The following MAGI2 variants were observed in gnomAD, a reference collection of about 807,000 sequenced individuals.
MAGI2 encodes the protein membrane associated guanylate kinase, WW and PDZ domain containing 2.
In MAGI2, 35 loss-of-function variants were observed where a neutral mutation model predicts 133.3. The ratio of observed to expected loss-of-function variants is 0.26; its 90% CI spans 0.20 to 0.35. The LOEUF is 0.35. MAGI2 is among the 10% of genes least tolerant of loss of function. The probability of loss-of-function intolerance (pLI) is 1.00; values close to 1 mark genes in which losing one functional copy is unlikely to be tolerated. For missense variants in MAGI2, 1,636 were observed against 1,863.4 expected (o/e 0.88, Z 2.25); for synonymous variants, 729 against 710.6 (o/e 1.03, Z -0.41).
At chr7:78,922,198 T>TA (rs1799302912) in intron 2 of MAGI2, among the ~76,000 whole-genome samples, 1 of 151,484 alleles carries the variant, frequency 6.6e-6, no homozygotes, top group African/African-American at 2.4e-5. Context: ...TTCTTTTTTT[T>TA]ATTATTATTA....
intron 1 of MAGI2, among the ~76,000 whole-genome samples, chr7:79,310,963 CA>C (rs1279772766): frequency 6.6e-5 from 10 of 151,850 alleles, no homozygotes; most frequent in Non-Finnish European, 1.3e-4. Flanking sequence ...CACACACACA[CA>C]CACCCCTCTC....
At chr7:79,057,522 T>A (rs1020986959) in intron 1 of MAGI2, among the ~76,000 whole-genome samples, 1 of 152,228 alleles carries the variant, frequency 6.6e-6, no homozygotes, top group Admixed American at 6.5e-5. Context: ...GAAAAGTAAT[T>A]CAAAATATTA....
intron 2 of MAGI2, among the ~76,000 whole-genome samples, chr7:78,967,513 A>G (rs1309731135): frequency 6.6e-6 from 1 of 152,044 alleles, no homozygotes; most frequent in African/African-American, 2.4e-5. Flanking sequence ...TCAAGAAATC[A>G]TTGCCAAGAC....
rs372551773 is a variant in MAGI2, at chr7:78,511,554, T to TAAA, written c.755-9768_755-9767insTTT. 6.3e-3 allele frequency among the ~76,000 whole-genome samples: 662 copies of TAAA among 104,608 alleles called. 1 individual carries two copies. The highest frequency in any genetic ancestry group is 0.015 in the Middle Eastern group (3 of 194). 68.6% of individuals were successfully genotyped at this position (104,608 alleles called of 152,430 possible). ...TCTTTTATATATATATATATAAATT[T>TAAA]TTTTTTTTTTTTTTTTGACACAGTG... On this transcript the variant is annotated intron_variant, in intron 4 of 21. Coordinates refer to ENST00000354212, the MANE Select transcript of MAGI2 (RefSeq NM_012301.4).
chr7:78,271,370 G>A (rs757515811), intron 9 of MAGI2, among the ~76,000 whole-genome samples: 1 of 152,064 alleles, frequency 6.6e-6, no homozygotes, highest in Non-Finnish European at 1.5e-5. Flanking sequence ...ATTTTATTGA[G>A]GATTTTCGAA....
At chr7:78,614,176 A>T (rs73143178) in intron 3 of MAGI2, among the ~76,000 whole-genome samples, 6,333 of 151,848 alleles carry the variant, frequency 0.042, 180 homozygotes, top group Non-Finnish European at 0.067. Flanking sequence ...ATCAACCAAG[A>T]TAGCGATGTA....
At chr7:78,458,115 G>C (rs1789519436) in intron 6 of MAGI2, among the ~76,000 whole-genome samples, 1 of 151,852 alleles carries the variant, frequency 6.6e-6, no homozygotes, top group South Asian at 2.1e-4. Flanking sequence ...GGCCAACATG[G>C]TGAAACACCG....
At chr7:79,229,870 T>A (rs761631289) in intron 1 of MAGI2, among the ~76,000 whole-genome samples, 47 of 151,662 alleles carry the variant, frequency 3.1e-4, no homozygotes, top group Non-Finnish European at 5.9e-4. Context: ...TGTATACATG[T>A]GCCATGCTGG....
chr7:78,241,706 G>A (rs976146912), intron 10 of MAGI2, among the ~76,000 whole-genome samples: 1 of 152,120 alleles, frequency 6.6e-6, no homozygotes, highest in African/African-American at 2.4e-5. Flanking sequence ...GGTGAGGTGG[G>A]TGAATCACTT....
At chr7:78,896,714 C>T (rs755847979) in intron 2 of MAGI2, among the ~76,000 whole-genome samples, 29 of 151,790 alleles carry the variant, frequency 1.9e-4, no homozygotes, top group Non-Finnish European at 4.0e-4. Flanking sequence ...ACTACAGATG[C>T]GTGCCACTAC....
chr7:78,427,733 C>T (rs6977890), intron 6 of MAGI2, among the ~76,000 whole-genome samples: 1 of 150,538 alleles, frequency 6.6e-6, no homozygotes. Flanking sequence ...TTATTCTATT[C>T]TATTAAAATT....
chr7:79,015,046 T>C (rs1284038397), intron 1 of MAGI2, among the ~76,000 whole-genome samples: 1 of 152,224 alleles, frequency 6.6e-6, no homozygotes, highest in Non-Finnish European at 1.5e-5. Flanking sequence ...AAAGTGAACA[T>C]GTAAATGGTA....
At chr7:78,868,938 A>G (rs1052703629) in intron 2 of MAGI2, among the ~76,000 whole-genome samples, 2 of 152,136 alleles carry the variant, frequency 1.3e-5, no homozygotes, top group Admixed American at 6.5e-5. Context: ...TATTTTTAGT[A>G]GAGACGGGGT....
At chr7:79,320,646 C>T (rs1002842895) in intron 1 of MAGI2, among the ~76,000 whole-genome samples, 10 of 152,112 alleles carry the variant, frequency 6.6e-5, no homozygotes, top group South Asian at 2.1e-4. Flanking sequence ...GGAGCTAATG[C>T]CTGTTTTAAA....
At chr7:78,527,029 A>AAAAAAAAAAAAAAAAAAAAAAAAG (rs1563125198) in intron 3 of MAGI2, among the ~76,000 whole-genome samples, 12 of 124,866 alleles carry the variant, frequency 9.6e-5, no homozygotes, top group Non-Finnish European at 1.7e-4. Context: ...AAAAAAAAAA[A>AAAAAAAAAAAAAAAAAAAAAAAAG]AAAAAGAAAA....
At chr7:79,109,541 C>G (rs572020091) in intron 1 of MAGI2, among the ~76,000 whole-genome samples, 28 of 152,188 alleles carry the variant, frequency 1.8e-4, no homozygotes, top group African/African-American at 6.3e-4. Context: ...AGCCCAACTT[C>G]GATACAGGAG....
At chr7:78,918,297 G>C (rs1484207826) in intron 2 of MAGI2, among the ~76,000 whole-genome samples, 2 of 152,060 alleles carry the variant, frequency 1.3e-5, no homozygotes, top group Non-Finnish European at 2.9e-5. Flanking sequence ...TTCTTATCAA[G>C]GGCTCTCCTA....
intron 1 of MAGI2, among the ~76,000 whole-genome samples, chr7:79,207,100 C>G (rs980227096): frequency 2.0e-5 from 3 of 151,868 alleles, no homozygotes; most frequent in Non-Finnish European, 2.9e-5. Flanking sequence ...ATGACAAACT[C>G]ACAGCTAACA....
At chr7:79,053,612 T>G (rs1325156373) in intron 1 of MAGI2, among the ~76,000 whole-genome samples, 1 of 152,170 alleles carries the variant, frequency 6.6e-6, no homozygotes, top group Admixed American at 6.5e-5. Context: ...TCCTAAGTAT[T>G]TATAATCAGG....
Sources: allele counts gnomAD v4.1 joint callset (sites outside exome capture counted in the v4.1 genomes callset), GRCh38; gene constraint gnomAD v4.1.1; transcripts MANE v1.5; gene names NCBI Gene and HGNC (gene_info 2026-07-23, HGNC 2026-07-21).